MARCHF11: variants seen among roughly 807,000 people sequenced by gnomAD.
MARCHF11 encodes the protein membrane associated ring-CH-type finger 11, also known as E3 ubiquitin-protein ligase MARCHF11.
In MARCHF11, 29 loss-of-function variants were observed where a neutral mutation model predicts 37.3. The observed-to-expected ratio is 0.78, with a 90% CI of 0.58 to 1.06. The LOEUF is 1.06. Among genes scored for constraint, MARCHF11 ranks in the 50% least tolerant of loss-of-function variants. The probability of loss-of-function intolerance (pLI) is 0.00; values close to 1 mark genes in which losing one functional copy is unlikely to be tolerated. For missense variants in MARCHF11, 482 were observed against 533.4 expected (o/e 0.90, Z 0.95); for synonymous variants, 233 against 228.0 (o/e 1.02, Z -0.20).
At chr5:16,115,333 T>C (rs1047456041) in intron 2 of MARCHF11, among the ~76,000 whole-genome samples, 2 of 152,198 alleles carry the variant, frequency 1.3e-5, no homozygotes, top group South Asian at 2.1e-4. Flanking sequence ...TCTCACATTG[T>C]GGGTGCTGGC....
intron 2 of MARCHF11, among the ~76,000 whole-genome samples, chr5:16,109,826 A>G (rs901737792): frequency 1.2e-4 from 19 of 152,190 alleles, no homozygotes; most frequent in Non-Finnish European, 1.0e-4. Flanking sequence ...AGTTGTGCAC[A>G]CGGAATTGAA....
rs73044640 is a variant in MARCHF11 at position 16,101,159 on chromosome 5, T to C, written c.694-10078A>G. On this transcript the variant is annotated intron_variant, in intron 2 of 3. Coordinates refer to ENST00000332432, the MANE Select transcript of MARCHF11 (RefSeq NM_001102562.3). ...CATCTCATCTCTCCATGTTATCTCC[T>C]ATTTGACTGTTGTAGATTTTCATAT... 1.9e-3 allele frequency among the ~76,000 whole-genome samples: 283 copies of C among 152,340 alleles called. 1 individual carries two copies. The highest frequency in any genetic ancestry group is 6.1e-3 in the African/African-American group (255 of 41,586).
intron 2 of MARCHF11, among the ~76,000 whole-genome samples, chr5:16,127,548 G>T (rs553130501): frequency 6.6e-6 from 1 of 152,138 alleles, no homozygotes; most frequent in Non-Finnish European, 1.5e-5. Flanking sequence ...CTGGTGAACC[G>T]CCTGGGTCAA....
chr5:16,101,948 A>T (rs1263642229), intron 2 of MARCHF11, among the ~76,000 whole-genome samples: 2 of 152,212 alleles, frequency 1.3e-5, no homozygotes, highest in Admixed American at 6.5e-5. Flanking sequence ...ATCTTTTACA[A>T]AGTGGCTTCT....
At chr5:16,092,916 T>C (rs1385366918) in intron 2 of MARCHF11, among the ~76,000 whole-genome samples, 1 of 152,228 alleles carries the variant, frequency 6.6e-6, no homozygotes, top group African/African-American at 2.4e-5. Flanking sequence ...ATTTTAAATC[T>C]GGTGTCACCA....
At chr5:16,175,581 CCTCACCT>C (rs1356907914) in intron 2 of MARCHF11, among the ~76,000 whole-genome samples, 1 of 152,104 alleles carries the variant, frequency 6.6e-6, no homozygotes, top group African/African-American at 2.4e-5. Context: ...TAGAAATATT[CCTCACCT>C]CATAGATTTG....
chr5:16,093,926 A>G (rs1350828895), intron 2 of MARCHF11, among the ~76,000 whole-genome samples: 1 of 152,074 alleles, frequency 6.6e-6, no homozygotes, highest in Non-Finnish European at 1.5e-5. Context: ...GCTCCCTGAA[A>G]TTTTTTTTGG....
At chr5:16,139,262 T>C (rs1181687313) in intron 2 of MARCHF11, among the ~76,000 whole-genome samples, 1 of 152,108 alleles carries the variant, frequency 6.6e-6, no homozygotes, top group African/African-American at 2.4e-5. Context: ...AGTGAATAAG[T>C]CTCATGAGAT....
chr5:16,140,230 A>T (rs1408371396), intron 2 of MARCHF11, among the ~76,000 whole-genome samples: 1 of 152,200 alleles, frequency 6.6e-6, no homozygotes, highest in Non-Finnish European at 1.5e-5. Flanking sequence ...TAATTATTTT[A>T]GAAAATAAAC....
chr5:16,175,421 A>T (rs921063757), intron 2 of MARCHF11, among the ~76,000 whole-genome samples: 2 of 152,158 alleles, frequency 1.3e-5, no homozygotes, highest in African/African-American at 4.8e-5. Flanking sequence ...CTAGGATGGG[A>T]TTGAGAAGCA....
At chr5:16,113,246 A>G (rs192959376) in intron 2 of MARCHF11, among the ~76,000 whole-genome samples, 5 of 152,368 alleles carry the variant, frequency 3.3e-5, no homozygotes, top group Admixed American at 2.0e-4. Context: ...GACAATATTC[A>G]TTGTAACATA....
intron 2 of MARCHF11, among the ~76,000 whole-genome samples, chr5:16,159,744 C>T (rs1477826716): frequency 1.3e-5 from 2 of 151,872 alleles, no homozygotes; most frequent in Non-Finnish European, 2.9e-5. Flanking sequence ...ATTCTCCATA[C>T]ATCCTCCCAT....
rs1161015975 is a variant in MARCHF11 at position 16,179,414 on chromosome 5, C to T, written c.162G>A (p.Ala54=). The part of the protein sequence containing the change: ...AAPRYLPPLP[A]SPETPERAAG... ...CGGCGCGCTCGGGGGTCTCGGGGGA[C>T]GCGGGCAGCGGCGGCAGGTAGCGCG... Residue 54 remains alanine (A), a synonymous_variant, in exon 1 of 4, where the codon GCG becomes GCA. Coordinates refer to ENST00000332432, the MANE Select transcript of MARCHF11 (RefSeq NM_001102562.3). 3 of 1,128,318 alleles carry T rather than the reference C, an allele frequency of 2.7e-6. No homozygotes were observed. The highest frequency in any genetic ancestry group is 3.3e-6 in the Non-Finnish European group (3 of 922,704). The allele number at this position is 1,128,318 out of a possible 1,614,324, so 69.9% of individuals were successfully genotyped here.
At chr5:16,105,774 T>G (rs981747971) in intron 2 of MARCHF11, among the ~76,000 whole-genome samples, 4 of 152,116 alleles carry the variant, frequency 2.6e-5, no homozygotes, top group African/African-American at 7.2e-5. Flanking sequence ...ATCTCTGGCT[T>G]CCTGTTTTTT....
chr5:16,106,097 C>A (rs1737035286), intron 2 of MARCHF11, among the ~76,000 whole-genome samples: 1 of 152,138 alleles, frequency 6.6e-6, no homozygotes, highest in Admixed American at 6.5e-5. Context: ...CAAGCTAAAA[C>A]AATTTAGAAT....
intron 2 of MARCHF11, among the ~76,000 whole-genome samples, chr5:16,147,894 A>T (rs931344602): frequency 6.6e-5 from 10 of 152,116 alleles, no homozygotes; most frequent in Non-Finnish European, 7.4e-5. Flanking sequence ...CCACTGCCTT[A>T]CCTATTCTAT....
At chr5:16,140,005 A>G (rs193008657) in intron 2 of MARCHF11, among the ~76,000 whole-genome samples, 12 of 152,280 alleles carry the variant, frequency 7.9e-5, no homozygotes, top group African/African-American at 2.6e-4. Context: ...AATCTATAAC[A>G]AATTAGAAAA....
intron 2 of MARCHF11, among the ~76,000 whole-genome samples, chr5:16,171,728 C>A (rs1032086211): frequency 1.3e-5 from 2 of 152,138 alleles, no homozygotes; most frequent in African/African-American, 4.8e-5. Context: ...CTTCTAACCA[C>A]TAATTTAAAT....
intron 2 of MARCHF11, among the ~76,000 whole-genome samples, chr5:16,138,763 G>A (rs1332798237): frequency 3.9e-5 from 6 of 152,232 alleles, no homozygotes; most frequent in African/African-American, 1.4e-4. Flanking sequence ...GCATAACCTG[G>A]ATATGAGACA....
Sources: allele counts gnomAD v4.1 joint callset (sites outside exome capture counted in the v4.1 genomes callset), GRCh38; gene constraint gnomAD v4.1.1; transcripts MANE v1.5; gene names NCBI Gene and HGNC (gene_info 2026-07-23, HGNC 2026-07-21).